The following YME1L1 variants were observed in gnomAD, a reference collection of about 807,000 sequenced individuals.
YME1L1 encodes the protein ATP-dependent zinc metalloprotease YME1L1.
YME1L1 carries 39 observed loss-of-function variants against 90.4 expected under a neutral mutation model. That is an observed-to-expected ratio of 0.43 (90% CI 0.33 to 0.56). The LOEUF is 0.56. Ranked by LOEUF, YME1L1 falls within the 20% of genes least tolerant of loss-of-function variation. The pLI is 0.03. For synonymous variants in YME1L1, 284 were observed against 287.3 expected (o/e 0.99, Z 0.12); for missense variants, 617 against 868.4 (o/e 0.71, Z 3.64).
At chr10:27,113,051 C>T (rs1209686307) in intron 18 of YME1L1, among the ~76,000 whole-genome samples, 1 of 150,738 alleles carries the variant, frequency 6.6e-6, no homozygotes, top group African/African-American at 2.4e-5. Context: ...GTGAAATGCT[C>T]TCTACAAAAA....
Position 27,112,717 on chromosome 10 carries a change from A to C in YME1L1, c.2008-597T>G, listed in dbSNP as rs12248381. Among the ~76,000 whole-genome samples the C allele has an allele frequency of 8.7e-5, 13 of 149,426 alleles. No homozygotes were observed. In the East Asian group the frequency reaches 1.4e-3, roughly 16 times the overall value. ...CAGCTCTGTCACTCTCTCTCTCTCTATTTTTTTTTCAGTCTCACTGTTGCT... is the reference window on the plus strand; with the variant it reads ...CAGCTCTGTCACTCTCTCTCTCTCTCTTTTTTTTTCAGTCTCACTGTTGCT... On this transcript the variant is annotated intron_variant, in intron 18 of 18. Transcript: ENST00000376016.
chr10:27,147,880 G>C (rs903614912), intron 2 of YME1L1, among the ~76,000 whole-genome samples: 2 of 152,108 alleles, frequency 1.3e-5, no homozygotes, highest in African/African-American at 2.4e-5. Context: ...ACATCCCCAG[G>C]AACAGCTTTT....
chr10:27,145,844 T>C (rs970759826), intron 2 of YME1L1: 1 of 261,112 alleles, frequency 3.8e-6, no homozygotes, highest in Admixed American at 5.0e-5. Flanking sequence ...CATTTCAGCA[T>C]GAATGAGAAA....
rs41282202 is a variant in YME1L1, at chr10:27,111,889, T to C, written c.*88A>G. On this transcript the variant is annotated 3_prime_UTR_variant, in exon 19 of 19. Coordinates refer to ENST00000376016, the MANE Select transcript of YME1L1 (RefSeq NM_014263.4). The stretch of plus-strand genomic sequence containing the variant: ...CCCTTCAATTACACCACATCAAGAA[T>C]GAGGGGAAAGCGTTGTAAAAGTAGA... 3.4e-4 allele frequency: 509 copies of C among 1,490,764 alleles called. 6 individuals are homozygous for C. Among genetic ancestry groups the C allele is most frequent in the Middle Eastern group, 3.2e-3 (19 of 5,848 alleles). 92.3% of individuals were successfully genotyped at this position (1,490,764 alleles called of 1,614,324 possible). A position where few individuals can be genotyped will look rare whatever the true frequency, so the allele number is the denominator to read the frequency against.
chr10:27,112,183 G>A (rs1050411263), intron 18 of YME1L1, 63 bp from the exon 19 acceptor site: 8 of 1,485,474 alleles, frequency 5.4e-6, no homozygotes, highest in South Asian at 1.3e-5. Context: ...CCAGTCAATG[G>A]GAAGAGAAAG....
intron 2 of YME1L1, chr10:27,146,473 CAT>C (rs1263397332): frequency 6.6e-6 from 1 of 152,204 alleles, no homozygotes; most frequent in East Asian, 1.9e-4. Flanking sequence ...GTAACAATTA[CAT>C]GTTACTCAAA....
At chr10:27,124,863 T>C (rs1331793557) in intron 9 of YME1L1, among the ~76,000 whole-genome samples, 1 of 152,226 alleles carries the variant, frequency 6.6e-6, no homozygotes, top group Non-Finnish European at 1.5e-5. Context: ...ATTGTGCTCT[T>C]TTTTAATTCC....
intron 8 of YME1L1, among the ~76,000 whole-genome samples, chr10:27,130,250 G>A (rs2056962959): frequency 6.6e-6 from 1 of 152,208 alleles, no homozygotes; most frequent in South Asian, 2.1e-4. Flanking sequence ...CTAACTCACT[G>A]GCAGCTCCTT....
rs752440050 is a variant in YME1L1 at position 27,119,403 on chromosome 10, T to G, written c.1458A>C (p.Gly486=). The change falls in exon 14 of 19, where the codon GGA becomes GGC. Residue 486 remains glycine, a synonymous_variant. Transcript: ENST00000376016. ...IIARGTVGFS[G]AELENLVNQA... The stretch of plus-strand genomic sequence containing the variant: ...GGTTCACAAGATTCTCCAACTCTGC[T>G]CCGGAAAAGCCAACAGTACCTCGAG... 2.5e-6 allele frequency: 4 copies of G among 1,613,224 alleles called. No homozygotes were observed. The highest frequency in any genetic ancestry group is 3.4e-6 in the Non-Finnish European group (4 of 1,179,648).
chr10:27,121,976 T>C (rs1269825835), intron 11 of YME1L1, among the ~76,000 whole-genome samples: 1 of 152,098 alleles, frequency 6.6e-6, no homozygotes, highest in East Asian at 1.9e-4. Flanking sequence ...CCTCAAGCAA[T>C]ACACCCGCCT....
intron 8 of YME1L1, among the ~76,000 whole-genome samples, chr10:27,130,709 T>C (rs2056966968): frequency 6.6e-6 from 1 of 152,082 alleles, no homozygotes; most frequent in African/African-American, 2.4e-5. Context: ...AAAAATTAGC[T>C]GGGCGTGGTG....
At chr10:27,143,759 T>C (rs547016956) in intron 3 of YME1L1, among the ~76,000 whole-genome samples, 1 of 148,620 alleles carries the variant, frequency 6.7e-6, no homozygotes, top group East Asian at 2.0e-4. Context: ...GTTAAGAACA[T>C]AAAGAGATAA....
chr10:27,119,568 G>C, intron 13 of YME1L1, 119 bp from the exon 14 acceptor site: 1 of 1,105,322 alleles, frequency 9.0e-7, no homozygotes, highest in Non-Finnish European at 1.2e-6. Flanking sequence ...CAGCACTTTG[G>C]GAGGCTGGGG....
At chr10:27,117,821 C>CTGTA in intron 14 of YME1L1, 94 bp from the exon 15 acceptor site, 3 of 1,289,998 alleles carry the variant, frequency 2.3e-6, no homozygotes, top group Non-Finnish European at 3.3e-6. Context: ...ACACTCCACC[C>CTGTA]TTCCTATCAG....
chr10:27,111,770 A>T lies in YME1L1; in HGVS notation c.*207T>A. On this transcript the variant is annotated 3_prime_UTR_variant, in exon 19 of 19. Transcript: ENST00000376016. ...TGATAGTTCTTTATTTTTTCAAAAT[A>T]TATTTGCCATGGGATGCTAATTTGC... The T allele has an allele frequency of 4.5e-6, 3 of 671,608 alleles. No homozygotes were observed. The highest frequency in any genetic ancestry group is 2.3e-5 in the Admixed American group (1 of 43,818). The allele number at this position is 671,608 out of a possible 1,614,324, so 41.6% of individuals were successfully genotyped here.
intron 4 of YME1L1, among the ~76,000 whole-genome samples, chr10:27,141,654 C>T (rs1033462939): frequency 6.8e-6 from 1 of 147,236 alleles, no homozygotes; most frequent in Non-Finnish European, 1.5e-5. Context: ...ACACAGACGT[C>T]TTATTAGAAA....
Position 27,111,818 on chromosome 10 carries a change from AC to A in YME1L1, c.*158del. 2.0e-6 allele frequency: 2 copies of A among 981,742 alleles called. No individual in the cohort carries two copies. Among genetic ancestry groups the A allele is most frequent in the Non-Finnish European group, 1.6e-6 (1 of 626,408 alleles). 60.8% of individuals were successfully genotyped at this position (981,742 alleles called of 1,614,324 possible). On this transcript the variant is annotated 3_prime_UTR_variant, in exon 19 of 19. Coordinates refer to ENST00000376016, the MANE Select transcript of YME1L1 (RefSeq NM_014263.4). Reference sequence around the variant, plus strand: ...TGCAATAGGTGTCATAATGAGAATAACCCAAACTGGATAAATGTGACAAATG... The same window carrying A: ...TGCAATAGGTGTCATAATGAGAATAACCAAACTGGATAAATGTGACAAATG...
intron 9 of YME1L1, 80 bp downstream of exon 9, chr10:27,126,616 A>G (rs2056922013): frequency 1.4e-6 from 1 of 705,696 alleles, no homozygotes; most frequent in South Asian, 2.3e-5. Flanking sequence ...TTAAAATTAA[A>G]TAAGTAATAT....
intron 9 of YME1L1, among the ~76,000 whole-genome samples, chr10:27,125,827 C>G (rs2056913209): frequency 6.6e-6 from 1 of 151,790 alleles, no homozygotes; most frequent in South Asian, 2.1e-4. Flanking sequence ...TTAGTAGAGA[C>G]AGGGTTTCAC....
Sources: gnomAD v4.1 joint callset for allele counts (sites outside exome capture counted in the v4.1 genomes callset) on GRCh38, gnomAD v4.1.1 for gene constraint, MANE v1.5 for transcripts, NCBI Gene and HGNC (gene_info 2026-07-23, HGNC 2026-07-21) for gene names.